The following PIEZO2 variants were observed in gnomAD, a reference collection of about 807,000 sequenced individuals.
PIEZO2 encodes the protein piezo type mechanosensitive ion channel component 2.
In PIEZO2, 172 loss-of-function variants were observed where a neutral mutation model predicts 337.3. The ratio of observed to expected loss-of-function variants is 0.51; its 90% CI spans 0.45 to 0.58. The LOEUF (loss-of-function observed/expected upper bound fraction) is 0.58, where lower values mean the gene tolerates loss of function less well. PIEZO2 is among the 20% of genes least tolerant of loss of function. The probability of loss-of-function intolerance (pLI) is 0.00; values close to 1 mark genes in which losing one functional copy is unlikely to be tolerated. For synonymous variants in PIEZO2, 1,251 were observed against 1,228.5 expected (o/e 1.02, Z -0.38); for missense variants, 3,028 against 3,391.3 (o/e 0.89, Z 2.66).
Position 11,101,184 on chromosome 18 carries a change from G to A in PIEZO2, c.65-34962C>T, listed in dbSNP as rs140721063. ...GTTCATCCACTCAAGCCCATTTTGG[G>A]CTCATTCCATCTGGGCCAGCCCAAG... On this transcript the variant is annotated intron_variant, in intron 1 of 55. Transcript: ENST00000674853. The surrounding 1 kb of genome is among the most constrained non-coding windows in gnomAD (Gnocchi z 4.4). Among the ~76,000 whole-genome samples, 797 of 152,284 alleles carry A rather than the reference G, an allele frequency of 5.2e-3. 7 individuals carry two copies. The highest frequency in any genetic ancestry group is 0.018 in the African/African-American group (749 of 41,540).
intron 1 of PIEZO2, among the ~76,000 whole-genome samples, chr18:11,147,084 A>G (rs2040828995): frequency 6.6e-6 from 1 of 152,254 alleles, no homozygotes; most frequent in Non-Finnish European, 1.5e-5. Flanking sequence ...ATCCCTGAGC[A>G]GTGACACCCT....
At position 11,128,379 on chromosome 18, in the gene PIEZO2, A is replaced by G. The variant is rs1057419677; in HGVS notation, c.64+20146T>C. Among the ~76,000 whole-genome samples the G allele has an allele frequency of 5.9e-5, 9 of 152,212 alleles. No individual in the cohort carries two copies. The highest frequency in any genetic ancestry group is 1.2e-4 in the Non-Finnish European group (8 of 68,044). On this transcript the variant is annotated intron_variant, in intron 1 of 55. Transcript: ENST00000674853. This position sits in a 1 kb window ranked among gnomAD's most constrained non-coding sequence, Gnocchi z 4.1. ...CTGACCTGCAACGAAAGATACATGC[A>G]CAGCCCCGCCAGGTGTCTACTGTTA...
chr18:10,868,840 A>G (rs11659801), intron 5 of PIEZO2, among the ~76,000 whole-genome samples: 52,656 of 152,010 alleles, frequency 0.35, 9,187 homozygotes, highest in South Asian at 0.37. Context: ...GTGGCTTTTT[A>G]TTGATCAATG....
At chr18:10,950,327 T>C (rs566147433) in intron 3 of PIEZO2, among the ~76,000 whole-genome samples, 3 of 152,236 alleles carry the variant, frequency 2.0e-5, no homozygotes, top group African/African-American at 7.2e-5. Flanking sequence ...GGCTTAAAGC[T>C]GAAGGTAAGA....
In PIEZO2 at chr18:11,028,503, C is replaced by T. The variant is rs188910313; in HGVS notation, c.160+37624G>A. 9.2e-5 allele frequency among the ~76,000 whole-genome samples: 14 copies of T among 152,178 alleles called. No individual in the cohort carries two copies. The highest frequency in any genetic ancestry group is 8.3e-4 in the South Asian group (4 of 4,814). On this transcript the variant is annotated intron_variant, in intron 2 of 55. Coordinates refer to ENST00000674853, the MANE Select transcript of PIEZO2 (RefSeq NM_001378183.1). The surrounding 1 kb of genome is among the most constrained non-coding windows in gnomAD (Gnocchi z 4.8). ...CCCGAACTCCTGACCTCAGATGATC[C>T]GCCAGCCTTGGACTCCCAAAGTGCT...
intron 44 of PIEZO2, 113 bp downstream of exon 44, chr18:10,698,812 G>T: frequency 7.6e-7 from 1 of 1,316,498 alleles, no homozygotes; most frequent in Non-Finnish European, 1.0e-6. Flanking sequence ...ACATAACAAT[G>T]TCTGTCTCTT....
Position 10,850,715 on chromosome 18 carries a change from G to GATATAAA in PIEZO2, c.917+4637_917+4638insTTTATAT, listed in dbSNP as rs2041520859. 6.6e-6 allele frequency among the ~76,000 whole-genome samples: 1 copy of GATATAAA among 152,082 alleles called. No individual in the cohort carries two copies. Among genetic ancestry groups the GATATAAA allele is most frequent in the Non-Finnish European group, 1.5e-5 (1 of 68,014 alleles). On this transcript the variant is annotated intron_variant, in intron 7 of 55. Transcript: ENST00000674853. The surrounding 1 kb of genome is among the most constrained non-coding windows in gnomAD (Gnocchi z 4.5). ...TACAGCAAATTATAAAATAGTATGT[G>GATATAAA]CAATATGATTCAAAATTTGTTTGTA...
chr18:10,782,178 A>C (rs2039009216), intron 17 of PIEZO2, among the ~76,000 whole-genome samples: 1 of 138,710 alleles, frequency 7.2e-6, no homozygotes, highest in Non-Finnish European at 1.5e-5. Flanking sequence ...ATATTAATAT[A>C]TATCAATGTA....
In PIEZO2 at chr18:10,781,531, T is replaced by C. The variant is rs1469063165; in HGVS notation, c.2493-1165A>G. Among the ~76,000 whole-genome samples, 1 of 151,924 alleles carries C rather than the reference T, an allele frequency of 6.6e-6. No homozygotes were observed. The highest frequency in any genetic ancestry group is 2.4e-5 in the African/African-American group (1 of 41,362). On this transcript the variant is annotated intron_variant, in intron 17 of 55. Transcript: ENST00000674853. The surrounding 1 kb of genome is among the most constrained non-coding windows in gnomAD (Gnocchi z 4.1). ...GTCCTTTGTAAATCATTGCTAATTA[T>C]ATATTATATAATAAACAATGTTATA...
rs2040473480 is a variant in PIEZO2, at chr18:10,819,902, A to G, written c.918-12628T>C. Among the ~76,000 whole-genome samples, 1 of 152,088 alleles carries G rather than the reference A, an allele frequency of 6.6e-6. No homozygotes were observed. Among genetic ancestry groups the G allele is most frequent in the Non-Finnish European group, 1.5e-5 (1 of 68,012 alleles). On this transcript the variant is annotated intron_variant, in intron 7 of 55. Transcript: ENST00000674853. The surrounding 1 kb of genome is among the most constrained non-coding windows in gnomAD (Gnocchi z 4.3). The stretch of plus-strand genomic sequence containing the variant: ...GTCTTTCGTATCTGATAATATCTTT[A>G]TTTGACCTTCATTTCTTCTACCTAC...
In PIEZO2 at chr18:11,027,655, G is replaced by A. The variant is rs762411275; in HGVS notation, c.160+38472C>T. Among the ~76,000 whole-genome samples, 58 of 152,080 alleles carry A rather than the reference G, an allele frequency of 3.8e-4. No individual in the cohort carries two copies. Among genetic ancestry groups the A allele is most frequent in the Non-Finnish European group, 6.3e-4 (43 of 68,012 alleles). ...TGGGTTGATGAACAAATGGGAGTTC[G>A]GTGGGGTTTAAGTTCCATTTGGGGT... On this transcript the variant is annotated intron_variant, in intron 2 of 55. Coordinates refer to ENST00000674853, the MANE Select transcript of PIEZO2 (RefSeq NM_001378183.1). This position sits in a 1 kb window ranked among gnomAD's most constrained non-coding sequence, Gnocchi z 4.2.
At chr18:10,774,978 T>C (rs1263082964) in intron 18 of PIEZO2, among the ~76,000 whole-genome samples, 1 of 152,234 alleles carries the variant, frequency 6.6e-6, no homozygotes, top group East Asian at 1.9e-4. Context: ...AACTTGTTGA[T>C]TTGATATTTG....
In PIEZO2 at chr18:10,724,931, G is replaced by A; in HGVS notation, c.5029+6476C>T. On this transcript the variant is annotated intron_variant, in intron 36 of 55. Transcript: ENST00000674853. The surrounding 1 kb of genome is among the most constrained non-coding windows in gnomAD (Gnocchi z 5.8). Reference sequence around the variant, plus strand: ...CTGGGACAGCCTCCACCTGGACGGCGATGGAACCCAGGTGGGCGCACCCTG... The same window carrying A: ...CTGGGACAGCCTCCACCTGGACGGCAATGGAACCCAGGTGGGCGCACCCTG... 5 of 1,603,776 alleles carry A rather than the reference G, an allele frequency of 3.1e-6. No individual in the cohort carries two copies. The highest frequency in any genetic ancestry group is 3.4e-6 in the Non-Finnish European group (4 of 1,174,078).
intron 3 of PIEZO2, among the ~76,000 whole-genome samples, chr18:10,921,908 A>C (rs1264637760): frequency 2.0e-5 from 3 of 152,144 alleles, no homozygotes; most frequent in African/African-American, 7.2e-5. Context: ...TAGCGCTCCC[A>C]GGCTTATTAG....
chr18:11,144,828 C>T (rs1280241656), intron 1 of PIEZO2, among the ~76,000 whole-genome samples: 1 of 152,166 alleles, frequency 6.6e-6, no homozygotes, highest in Non-Finnish European at 1.5e-5. Context: ...CAAGGCTTCC[C>T]CTTTCTTCCC....
chr18:10,683,821 C>T (rs545948825), intron 49 of PIEZO2, among the ~76,000 whole-genome samples: 10 of 152,278 alleles, frequency 6.6e-5, no homozygotes, highest in African/African-American at 2.2e-4. Flanking sequence ...CTGCCAAGGG[C>T]GGTTTTAGTC....
At position 10,821,639 on chromosome 18, in the gene PIEZO2, C is replaced by T. The variant is rs897021949; in HGVS notation, c.918-14365G>A. On this transcript the variant is annotated intron_variant, in intron 7 of 55. Coordinates refer to ENST00000674853, the MANE Select transcript of PIEZO2 (RefSeq NM_001378183.1). The surrounding 1 kb of genome is among the most constrained non-coding windows in gnomAD (Gnocchi z 4.2). ...TACAACCTAGAAGTTTTCCAGGTTG[C>T]TGGAACCAGGAAATATGAGTCAAGT... is the stretch of plus-strand genomic sequence containing the variant. 2.0e-5 allele frequency among the ~76,000 whole-genome samples: 3 copies of T among 152,074 alleles called. No homozygotes were observed. Among genetic ancestry groups the T allele is most frequent in the East Asian group, 1.9e-4 (1 of 5,188 alleles).
At position 10,726,273 on chromosome 18, in the gene PIEZO2, G is replaced by A. The variant is rs1381695864; in HGVS notation, c.5029+5134C>T. The A allele has an allele frequency of 2.4e-6, 2 of 843,892 alleles. No homozygotes were observed. The highest frequency in any genetic ancestry group is 3.4e-5 in the African/African-American group (2 of 59,200). The allele number at this position is 843,892 out of a possible 1,614,324, so 52.3% of individuals were successfully genotyped here. A position where few individuals can be genotyped will look rare whatever the true frequency, so the allele number is the denominator to read the frequency against. On this transcript the variant is annotated intron_variant, in intron 36 of 55. Transcript: ENST00000674853. The surrounding 1 kb of genome is among the most constrained non-coding windows in gnomAD (Gnocchi z 5.9). ...TGCGAGCCTGTGTTCGGGAGCATGA[G>A]AATGGAAGCGTCGCGGCCAGAGCCC...
rs1195462975 is a variant in PIEZO2 at position 10,879,855 on chromosome 18, G to A, written c.330-8440C>T. On this transcript the variant is annotated intron_variant, in intron 4 of 55. Transcript: ENST00000674853. The stretch of plus-strand genomic sequence containing the variant: ...TATCCATCAAATCAAATACTACACA[G>A]CAATAAATAAGTACAAGTGCATGTG... Among the ~76,000 whole-genome samples, 4 of 152,210 alleles carry A rather than the reference G, an allele frequency of 2.6e-5. No homozygotes were observed. The East Asian group carries it at 7.7e-4, about 29-fold the overall frequency.
Sources: gnomAD v4.1 joint callset for allele counts (sites outside exome capture counted in the v4.1 genomes callset) on GRCh38, gnomAD v4.1.1 for gene constraint, Gnocchi (gnomAD v3.1) non-coding constraint, MANE v1.5 for transcripts, NCBI Gene and HGNC (gene_info 2026-07-23, HGNC 2026-07-21) for gene names.